BMPR1A: variants seen among roughly 807,000 people sequenced by gnomAD.
BMPR1A encodes the protein bone morphogenetic protein receptor type 1A.
Under a neutral mutation model 66.0 loss-of-function variants are expected in BMPR1A, and 7 were observed. That is an observed-to-expected ratio of 0.11 (90% CI 0.06 to 0.20). The LOEUF is 0.20. Ranked by LOEUF, BMPR1A falls within the 10% of genes least tolerant of loss-of-function variation. BMPR1A has a pLI of 1.00. For synonymous variants in BMPR1A, 200 were observed against 229.7 expected, an observed-to-expected ratio of 0.87 and a Z score of 1.17; for missense variants, 408 against 669.1, an observed-to-expected ratio of 0.61 and a Z score of 4.31.
At chr10:86,768,475 G>T (rs139759609) in intron 1 of BMPR1A, among the ~76,000 whole-genome samples, 19 of 151,976 alleles carry the variant, frequency 1.3e-4, no homozygotes, top group African/African-American at 3.9e-4. Flanking sequence ...TTAAAATTAT[G>T]CACTCTTCCC....
Position 86,924,838 on chromosome 10 carries a change from G to A in BMPR1A, c.*1119G>A, listed in dbSNP as rs1843717707. On this transcript the variant is annotated 3_prime_UTR_variant, in exon 13 of 13. Transcript: ENST00000372037. ...ATATCCCATCCTTAAGAGAAGAAAT[G>A]TTATAAAGTAGAACTAAATATAAAT... The A allele has an allele frequency of 4.3e-6, 1 of 232,330 alleles. No homozygotes were observed. Among genetic ancestry groups the A allele is most frequent in the Admixed American group, 5.6e-5 (1 of 17,758 alleles). 14.4% of individuals were successfully genotyped at this position (232,330 alleles called of 1,614,324 possible). A position where few individuals can be genotyped will look rare whatever the true frequency, so the allele number is the denominator to read the frequency against.
intron 2 of BMPR1A, among the ~76,000 whole-genome samples, chr10:86,844,300 A>G (rs1040620481): frequency 6.6e-6 from 1 of 152,218 alleles, no homozygotes; most frequent in Admixed American, 6.5e-5. Context: ...TTTTGCTATC[A>G]TGTTAAATGC....
chr10:86,918,811 C>T (rs1589291343), intron 9 of BMPR1A, among the ~76,000 whole-genome samples: 2 of 151,948 alleles, frequency 1.3e-5, no homozygotes, highest in Admixed American at 6.6e-5. Context: ...TTAGTAGAGA[C>T]GGGGTTTCGC....
chr10:86,828,356 T>C (rs1842224467), intron 1 of BMPR1A, among the ~76,000 whole-genome samples: 1 of 152,182 alleles, frequency 6.6e-6, no homozygotes, highest in African/African-American at 2.4e-5. Context: ...GATGCTGTTA[T>C]TAGCAAGTGT....
chr10:86,835,549 C>CAAAAAAAAAAAAAAAAAAAAAAAAAAA (rs55804247), intron 1 of BMPR1A, among the ~76,000 whole-genome samples: 4 of 44,338 alleles, frequency 9.0e-5, no homozygotes, highest in Non-Finnish European at 1.2e-4. Flanking sequence ...GACTCTGTAT[C>CAAAAAAAAAAAAAAAAAAAAAAAAAAA]AAAAAAAAAA....
At chr10:86,828,025 G>A (rs1409463552) in intron 1 of BMPR1A, among the ~76,000 whole-genome samples, 1 of 152,176 alleles carries the variant, frequency 6.6e-6, no homozygotes, top group Admixed American at 6.5e-5. Flanking sequence ...GGTGACACGT[G>A]CCTGTAATCC....
chr10:86,812,885 T>C (rs1207020728), intron 1 of BMPR1A, among the ~76,000 whole-genome samples: 3 of 152,196 alleles, frequency 2.0e-5, no homozygotes, highest in African/African-American at 7.2e-5. Context: ...ATATATTAAA[T>C]GCAGAGTGAT....
chr10:86,866,773 A>G (rs1220680030), intron 2 of BMPR1A, among the ~76,000 whole-genome samples: 1 of 151,970 alleles, frequency 6.6e-6, no homozygotes, highest in Non-Finnish European at 1.5e-5. Context: ...CCTGTTTAAC[A>G]TATGTGCTCA....
At chr10:86,868,778 G>GTTGTTTTTTTTTT (rs1842816491) in intron 2 of BMPR1A, among the ~76,000 whole-genome samples, 1 of 141,046 alleles carries the variant, frequency 7.1e-6, no homozygotes, top group South Asian at 2.2e-4. Context: ...CTTTTCCTGT[G>GTTGTTTTTTTTTT]TTTTTTTTTT....
chr10:86,795,018 A>ATT (rs1375540766), intron 1 of BMPR1A, among the ~76,000 whole-genome samples: 5 of 151,544 alleles, frequency 3.3e-5, no homozygotes, highest in Non-Finnish European at 5.9e-5. Flanking sequence ...CAACTAGCTA[A>ATT]TTTTGTATTT....
At chr10:86,880,893 TAAC>T (rs34042981) in intron 3 of BMPR1A, among the ~76,000 whole-genome samples, 8,808 of 152,166 alleles carry the variant, frequency 0.058, 570 homozygotes, top group African/African-American at 0.16. Context: ...GTGTTTGTAA[TAAC>T]ACTTAAGAAA....
At chr10:86,789,185 A>C (rs1841562648) in intron 1 of BMPR1A, among the ~76,000 whole-genome samples, 1 of 152,214 alleles carries the variant, frequency 6.6e-6, no homozygotes, top group African/African-American at 2.4e-5. Flanking sequence ...TAAAACCATA[A>C]AAATCTTAGA....
At chr10:86,821,353 CAT>C (rs1445166135) in intron 1 of BMPR1A, among the ~76,000 whole-genome samples, 3 of 152,202 alleles carry the variant, frequency 2.0e-5, no homozygotes, top group African/African-American at 7.2e-5. Flanking sequence ...ACTTAATAAA[CAT>C]CAGCTGTTAT....
chr10:86,816,693 G>T (rs764352039), intron 1 of BMPR1A, among the ~76,000 whole-genome samples: 2 of 152,146 alleles, frequency 1.3e-5, no homozygotes, highest in Non-Finnish European at 2.9e-5. Context: ...CTAAGAAATC[G>T]AATGGCTTCA....
chr10:86,760,878 A>G (rs1178137582), intron 1 of BMPR1A, among the ~76,000 whole-genome samples: 1 of 152,232 alleles, frequency 6.6e-6, no homozygotes, highest in Non-Finnish European at 1.5e-5. Context: ...ACAAGATTAA[A>G]TGTTGACTTG....
At chr10:86,879,631 T>A (rs757834605) in intron 3 of BMPR1A, among the ~76,000 whole-genome samples, 1 of 152,322 alleles carries the variant, frequency 6.6e-6, no homozygotes. Flanking sequence ...AATTTTCAGT[T>A]CCTTTTCAAA....
At chr10:86,773,403 A>T (rs1290487372) in intron 1 of BMPR1A, among the ~76,000 whole-genome samples, 1 of 152,004 alleles carries the variant, frequency 6.6e-6, no homozygotes, top group Non-Finnish European at 1.5e-5. Flanking sequence ...AGCCTAGCTA[A>T]CATATAGTGG....
At chr10:86,782,208 C>T (rs1841447932) in intron 1 of BMPR1A, among the ~76,000 whole-genome samples, 2 of 152,086 alleles carry the variant, frequency 1.3e-5, no homozygotes, top group Admixed American at 1.3e-4. Context: ...GTATATGTAC[C>T]ACATTTGTTG....
chr10:86,790,171 AAAAAAAAAAAAAAAAAAATATATATATAT>A (rs1564685310), intron 1 of BMPR1A, among the ~76,000 whole-genome samples: 4 of 34,130 alleles, frequency 1.2e-4, no homozygotes, highest in African/African-American at 3.5e-4. Flanking sequence ...CCAAAAAAAA[AAAAAAAAAAAAAAAAAAATATATATATAT>A]ATATATATAT....
Sources: allele counts gnomAD v4.1 joint callset (sites outside exome capture counted in the v4.1 genomes callset), GRCh38; gene constraint gnomAD v4.1.1; transcripts MANE v1.5; gene names NCBI Gene and HGNC (gene_info 2026-07-23, HGNC 2026-07-21).